SORBS2: variants seen among roughly 807,000 people sequenced by gnomAD.
SORBS2 encodes the protein sorbin and SH3 domain containing 2.
A neutral mutation model predicts 97.7 loss-of-function variants in SORBS2; 46 were observed. The ratio of observed to expected loss-of-function variants is 0.47; its 90% confidence interval spans 0.37 to 0.60. The LOEUF is 0.60. Ranked by LOEUF, SORBS2 falls within the 20% of genes least tolerant of loss-of-function variation. SORBS2 has a pLI of 0.00. For missense variants in SORBS2, 1,316 were observed against 1,282.3 expected, an observed-to-expected ratio of 1.03 and a Z score of -0.40; for synonymous variants, 476 against 473.4, an observed-to-expected ratio of 1.01 and a Z score of -0.07.
At position 185,647,484 on chromosome 4, in the gene SORBS2, C is replaced by T. The variant is rs992682625; in HGVS notation, c.282-702G>A. ...CTGGAGTGCAGTGGTGTGATCACAG[C>T]TCGCTGCCATCTCACTCAAACTCCT... On this transcript the variant is annotated intron_variant, in intron 3 of 14. Coordinates refer to ENST00000418609, the Ensembl canonical transcript of SORBS2. 6.0e-5 allele frequency among the ~76,000 whole-genome samples: 9 copies of T among 149,208 alleles called. No homozygotes were observed. In the East Asian group the frequency reaches 1.6e-3, roughly 26 times the overall value.
chr4:185,928,664 T>G (rs936521406), intron 1 of SORBS2, among the ~76,000 whole-genome samples: 9 of 152,016 alleles, frequency 5.9e-5, no homozygotes, highest in Admixed American at 6.6e-5. Flanking sequence ...TCCTGCCTCA[T>G]CCTCCCGAGT....
At chr4:185,861,510 T>G (rs1428177476) in intron 1 of SORBS2, among the ~76,000 whole-genome samples, 1 of 152,042 alleles carries the variant, frequency 6.6e-6, no homozygotes, top group Non-Finnish European at 1.5e-5. Flanking sequence ...GGCAGGCAGC[T>G]AACAGAGTGC....
intron 1 of SORBS2, among the ~76,000 whole-genome samples, chr4:185,892,092 C>A (rs981633678): frequency 1.3e-5 from 2 of 152,116 alleles, no homozygotes; most frequent in African/African-American, 4.8e-5. Context: ...CTCGGTCTCC[C>A]AAAGTATTTT....
intron 1 of SORBS2, among the ~76,000 whole-genome samples, chr4:185,890,604 G>C (rs2099241994): frequency 6.6e-6 from 1 of 152,182 alleles, no homozygotes; most frequent in South Asian, 2.1e-4. Context: ...TTCATGACGT[G>C]ATCACGCTCC....
Position 185,607,280 on chromosome 4 carries a change from G to A in SORBS2, c.2796+4500C>T, listed in dbSNP as rs1465535887. 23 of 1,279,384 alleles carry A rather than the reference G, an allele frequency of 1.8e-5. No individual in the cohort carries two copies. Among genetic ancestry groups the A allele is most frequent in the Non-Finnish European group, 1.9e-5 (19 of 984,914 alleles). 79.3% of individuals were successfully genotyped at this position (1,279,384 alleles called of 1,614,324 possible). The stretch of plus-strand genomic sequence containing the variant: ...GACAACCAGCCCTGGCCAGTTCCCT[G>A]GAGAGCTCCTTTATCTGAGCCAGGT... On this transcript the variant is annotated intron_variant, in intron 12 of 14. Coordinates refer to ENST00000418609, the Ensembl canonical transcript of SORBS2. The surrounding 1 kb of genome is among the most constrained non-coding windows in gnomAD (Gnocchi z 5.2).
chr4:185,770,974 CCT>C (rs1491296121), intron 2 of SORBS2: 2 of 79,720 alleles, frequency 2.5e-5, no homozygotes, highest in African/African-American at 4.5e-5. Context: ...TTCATCGTTT[CCT>C]TTTTTTTTTT....
exon 11 of SORBS2, chr4:185,614,949 G>A (rs749695858): frequency 1.2e-6 from 2 of 1,614,116 alleles, no homozygotes; most frequent in East Asian, 2.2e-5. Context: ...TTTCTCAGGA[G>A]GTGTGAGTTT....
At chr4:185,859,730 G>A (rs12507151) in intron 1 of SORBS2, among the ~76,000 whole-genome samples, 8,836 of 152,138 alleles carry the variant, frequency 0.058, 323 homozygotes, top group East Asian at 0.14. Flanking sequence ...GTTTCTCACC[G>A]CCCAGGGCAC....
intron 1 of SORBS2, among the ~76,000 whole-genome samples, chr4:185,851,981 T>C (rs114686149): frequency 2.4e-3 from 365 of 152,318 alleles, no homozygotes; most frequent in Non-Finnish European, 4.1e-3. Flanking sequence ...TATAAGACTG[T>C]AGAGAAAAAC....
At chr4:185,767,240 T>C (rs1178049417) in intron 2 of SORBS2, among the ~76,000 whole-genome samples, 2 of 151,994 alleles carry the variant, frequency 1.3e-5, no homozygotes, top group Non-Finnish European at 2.9e-5. Context: ...GGCTCAGGCC[T>C]GTAATCCCAG....
At chr4:185,767,051 T>C (rs1164797841) in intron 2 of SORBS2, among the ~76,000 whole-genome samples, 1 of 152,188 alleles carries the variant, frequency 6.6e-6, no homozygotes, top group African/African-American at 2.4e-5. Context: ...CGTCCTAACA[T>C]TTGGCTCATT....
rs759031958 is a variant in SORBS2, at chr4:185,614,884, T to C, written c.2542A>G (p.Ile848Val). Residue 848 changes from isoleucine to valine, a missense_variant, in exon 11 of 15, where the codon ATA (isoleucine) becomes GTA (valine). Physicochemically the swap from Ile to Val is conservative, Grantham distance 29. Coordinates refer to ENST00000418609, the Ensembl canonical transcript of SORBS2. Reference sequence around the variant, plus strand: ...TCTGCGTTGAAGTTGTATTTGGCTATAGCTTCTCCGATTTCTCCGGGCTGG... The same window carrying C: ...TCTGCGTTGAAGTTGTATTTGGCTACAGCTTCTCCGATTTCTCCGGGCTGG... 1.4e-5 allele frequency: 23 copies of C among 1,614,086 alleles called. No homozygotes were observed. The highest frequency in any genetic ancestry group is 3.3e-4 in the Middle Eastern group (2 of 6,084).
intron 2 of SORBS2, among the ~76,000 whole-genome samples, chr4:185,747,018 C>T (rs533777777): frequency 2.4e-4 from 36 of 152,122 alleles, no homozygotes; most frequent in Non-Finnish European, 3.8e-4. Flanking sequence ...GAGTGCCGGG[C>T]GCAGTGGCTC....
At chr4:185,861,447 T>A (rs2648125) in intron 1 of SORBS2, among the ~76,000 whole-genome samples, 2 of 151,592 alleles carry the variant, frequency 1.3e-5, no homozygotes, top group East Asian at 1.9e-4. Flanking sequence ...GAAGCTAGTG[T>A]AGGTGGGAGG....
intron 1 of SORBS2, among the ~76,000 whole-genome samples, chr4:185,814,413 C>T (rs550290071): frequency 2.6e-5 from 4 of 151,664 alleles, no homozygotes; most frequent in Non-Finnish European, 4.4e-5. Flanking sequence ...TGGTGGTGCA[C>T]GCCTGTGGTC....
chr4:185,614,291 G>C (rs1287594501), intron 11 of SORBS2, among the ~76,000 whole-genome samples: 1 of 148,850 alleles, frequency 6.7e-6, no homozygotes, highest in African/African-American at 2.5e-5. Flanking sequence ...AGAGATACTA[G>C]GATTGGATGG....
At position 185,902,240 on chromosome 4, in the gene SORBS2, T is replaced by G. The variant is rs372569114; in HGVS notation, c.-338+53956A>C. 3.9e-5 allele frequency among the ~76,000 whole-genome samples: 6 copies of G among 152,314 alleles called. No individual in the cohort carries two copies. The South Asian group carries it at 8.3e-4, about 21-fold the overall frequency. The stretch of plus-strand genomic sequence containing the variant: ...TATTACTTTTTTAAAGTTCAGTTTC[T>G]GAGTCCTACTTTTAATACTTGAAGA... On this transcript the variant is annotated intron_variant, in intron 1 of 20. Coordinates refer to the SORBS2 transcript ENST00000284776.
chr4:185,650,098 G>T (rs1186932092), intron 2 of SORBS2, among the ~76,000 whole-genome samples: 1 of 152,174 alleles, frequency 6.6e-6, no homozygotes, highest in Non-Finnish European at 1.5e-5. Flanking sequence ...CATGCTAATT[G>T]TAGTCAAACA....
chr4:185,641,945 C>T lies in SORBS2; in HGVS notation c.396+4723G>A, dbSNP rs114642290. The stretch of plus-strand genomic sequence containing the variant: ...TCTATAATTTAAAAGCATTTAATTG[C>T]TTTTGTGGTTATCGAGATTCCACTA... On this transcript the variant is annotated intron_variant, in intron 4 of 14. Transcript: ENST00000418609. Among the ~76,000 whole-genome samples the T allele has an allele frequency of 4.2e-3, 643 of 152,204 alleles. 5 individuals carry two copies. The highest frequency in any genetic ancestry group is 0.015 in the African/African-American group (609 of 41,554).
Sources: allele counts gnomAD v4.1 joint callset (sites outside exome capture counted in the v4.1 genomes callset), GRCh38; gene constraint gnomAD v4.1.1; non-coding constraint Gnocchi (gnomAD v3.1); transcripts MANE v1.5; gene names NCBI Gene and HGNC (gene_info 2026-07-23, HGNC 2026-07-21).